Variants in LRRC74B observed in about 807,000 individuals in gnomAD.
The protein encoded by LRRC74B is leucine-rich repeat-containing protein 74B.
LRRC74B carries 30 observed loss-of-function variants against 16.6 expected under a neutral mutation model. The observed-to-expected ratio is 1.80, with a 90% CI of 1.35 to 2.45. The LOEUF is 2.45. Ranked by LOEUF, LRRC74B falls within the 30% of genes most tolerant of loss-of-function variation. The pLI, the probability that LRRC74B is intolerant of heterozygous loss-of-function variation, is 0.00. For synonymous variants in LRRC74B, 134 were observed against 86.0 expected (o/e 1.56, Z -3.09); for missense variants, 326 against 202.4 (o/e 1.61, Z -3.71).
chr22:21,052,397 G>T (rs574477707), intron 5 of LRRC74B, 39 bp downstream of exon 5: 3 of 716,026 alleles, frequency 4.2e-6, no homozygotes, highest in Non-Finnish European at 7.8e-6. Context: ...CAGCCTGTCT[G>T]CTGGGGCCTG....
downstream of LRRC74B, among the ~76,000 whole-genome samples, chr22:21,060,978 T>C (rs772536745): frequency 6.6e-6 from 1 of 152,164 alleles, no homozygotes; most frequent in Non-Finnish European, 1.5e-5. Context: ...GATACAATCA[T>C]TTGACTAATG....
chr22:21,056,948 A>AGG, intron 7 of LRRC74B, 157 bp from the exon 8 acceptor site: 1 of 596,496 alleles, frequency 1.7e-6, no homozygotes, highest in South Asian at 2.1e-5. Flanking sequence ...TCACCAGAGC[A>AGG]TTCTGTCTGA....
chr22:21,051,939 A>G (rs1930094627), intron 4 of LRRC74B, among the ~76,000 whole-genome samples: 1 of 151,642 alleles, frequency 6.6e-6, no homozygotes, highest in African/African-American at 2.4e-5. Flanking sequence ...GCATGCACAC[A>G]CCCCTGGGGA....
chr22:21,055,407 G>T (rs990282003), intron 7 of LRRC74B, among the ~76,000 whole-genome samples: 11 of 152,106 alleles, frequency 7.2e-5, no homozygotes, highest in Admixed American at 2.0e-4. Context: ...GTGGGCTGGG[G>T]TGCTGCTCTG....
chr22:21,048,093 G>C (rs1216035823), intron 3 of LRRC74B, 77 bp downstream of exon 3: 6 of 706,718 alleles, frequency 8.5e-6, no homozygotes, highest in Non-Finnish European at 1.6e-5. Context: ...GTTGAAAGCT[G>C]GGCCGTGTCA....
downstream of LRRC74B, among the ~76,000 whole-genome samples, chr22:21,061,534 G>A (rs1235250639): frequency 9.3e-5 from 13 of 139,514 alleles, no homozygotes; most frequent in East Asian, 1.3e-3. Context: ...GCAGTGGCAC[G>A]TGCCTGTAGC....
chr22:21,054,396 C>T (rs1930314678), intron 6 of LRRC74B, among the ~76,000 whole-genome samples: 2 of 152,218 alleles, frequency 1.3e-5, no homozygotes, highest in Admixed American at 1.3e-4. Flanking sequence ...GTGAGGGGCT[C>T]CTCCAGGCCA....
rs184842961 is a variant in LRRC74B at position 21,059,104 on chromosome 22, T to G, written c.1024-1269T>G. 1.4e-4 allele frequency among the ~76,000 whole-genome samples: 22 copies of G among 152,256 alleles called. No individual in the cohort carries two copies. The East Asian group carries it at 2.7e-3, about 19-fold the overall frequency. On this transcript the variant is annotated intron_variant, in intron 8 of 8. Coordinates refer to ENST00000442047, the Ensembl canonical transcript of LRRC74B. ...CTGTCTTTACTAATAATACAAAAAT[T>G]TGGCCGGAGTTGGTAGCTCATGCCT... is the stretch of plus-strand genomic sequence containing the variant.
At chr22:21,061,259 G>T (rs1348081029), downstream of LRRC74B, among the ~76,000 whole-genome samples, 1 of 152,010 alleles carries the variant, frequency 6.6e-6, no homozygotes, top group Non-Finnish European at 1.5e-5. Flanking sequence ...TCCTGGAGGT[G>T]GAGGCTGCAG....
At chr22:21,049,052 A>G (rs1241089948) in exon 4 of LRRC74B, 1 of 715,868 alleles carries the variant, frequency 1.4e-6, no homozygotes, top group Non-Finnish European at 2.6e-6. Context: ...GCTGTCAGGG[A>G]ATGGCCTGGA....
chr22:21,046,053 G>A (rs567080391), exon 1 of LRRC74B: 1 of 717,502 alleles, frequency 1.4e-6, no homozygotes, highest in South Asian at 1.5e-5. Flanking sequence ...GGTGGCCTGT[G>A]GGCGTCTTTC....
At chr22:21,051,798 C>T (rs553272249) in intron 4 of LRRC74B, among the ~76,000 whole-genome samples, 16 of 152,312 alleles carry the variant, frequency 1.1e-4, no homozygotes, top group Admixed American at 8.5e-4. Flanking sequence ...CAGCTCCAAG[C>T]CTGCGTGCAT....
chr22:21,047,526 G>A (rs1385100190), intron 2 of LRRC74B, 28 bp downstream of exon 2: 1 of 716,010 alleles, frequency 1.4e-6, no homozygotes, highest in African/African-American at 1.7e-5. Context: ...CTGTATCCAG[G>A]CTTACGGGGA....
chr22:21,046,680 G>A (rs867205952), intron 1 of LRRC74B, among the ~76,000 whole-genome samples: 3 of 151,900 alleles, frequency 2.0e-5, no homozygotes, highest in Admixed American at 1.3e-4. Flanking sequence ...TCACCCGGGC[G>A]TCAGTGCAGT....
At chr22:21,062,801 G>T (rs566123520), downstream of LRRC74B, 2 of 152,022 alleles carry the variant, frequency 1.3e-5, no homozygotes, top group Non-Finnish European at 2.9e-5. Context: ...GCCAAGATGG[G>T]AGGATCACTT....
chr22:21,063,450 G>GGAGGCCAAGGT (rs1930906322), downstream of LRRC74B: 1 of 151,916 alleles, frequency 6.6e-6, no homozygotes, highest in African/African-American at 2.4e-5. Flanking sequence ...TGTAGACTCA[G>GGAGGCCAAGGT]GAGGCCAAGG....
At chr22:21,050,841 A>G (rs988896720) in intron 4 of LRRC74B, among the ~76,000 whole-genome samples, 2 of 151,390 alleles carry the variant, frequency 1.3e-5, no homozygotes, top group African/African-American at 4.9e-5. Context: ...TGTAATGCCA[A>G]CACCACTTCG....
chr22:21,058,509 G>A (rs149305713), intron 8 of LRRC74B, among the ~76,000 whole-genome samples: 69 of 151,700 alleles, frequency 4.5e-4, no homozygotes, highest in African/African-American at 1.5e-3. Flanking sequence ...GCCAGATTCT[G>A]TCTCAAAAAA....
downstream of LRRC74B, chr22:21,061,698 G>A (rs1386596814): frequency 5.3e-5 from 8 of 152,264 alleles, no homozygotes; most frequent in East Asian, 3.9e-4. Context: ...TAGAATTACC[G>A]TATAACCCAT....
Sources: allele counts gnomAD v4.1 joint callset (sites outside exome capture counted in the v4.1 genomes callset), GRCh38; gene constraint gnomAD v4.1.1; transcripts MANE v1.5; gene names NCBI Gene and HGNC (gene_info 2026-07-23, HGNC 2026-07-21).